The following SIN3A variants were observed in gnomAD, a reference collection of about 807,000 sequenced individuals.
SIN3A encodes SIN3 transcription regulator family member A, also known as paired amphipathic helix protein Sin3a.
A neutral mutation model predicts 146.1 loss-of-function variants in SIN3A; 14 were observed. The observed-to-expected ratio is 0.10, with a 90% CI of 0.06 to 0.15. The LOEUF is 0.15. Among genes scored for constraint, SIN3A ranks in the 10% least tolerant of loss-of-function variants. SIN3A has a pLI of 1.00. For synonymous variants in SIN3A, 572 were observed against 572.0 expected (o/e 1.00, Z 0.00); for missense variants, 1,028 against 1,576.0 (o/e 0.65, Z 5.89).
At chr15:75,394,037 A>AC (rs1423709054) in intron 14 of SIN3A, among the ~76,000 whole-genome samples, 4 of 148,420 alleles carry the variant, frequency 2.7e-5, no homozygotes, top group African/African-American at 9.9e-5. Context: ...CTAACTCCTG[A>AC]CCTCAGGTGA....
At position 75,392,231 on chromosome 15, in the gene SIN3A, T is replaced by A. The variant is rs553982063; in HGVS notation, c.2851+11A>T. Reference sequence around the variant, plus strand: ...ACACATCCTCTGTAAATCAGAGGTCTCGGCACTCACTAGGTTCTTTGAGAC... The same window carrying A: ...ACACATCCTCTGTAAATCAGAGGTCACGGCACTCACTAGGTTCTTTGAGAC... On this transcript the variant is annotated intron_variant, in intron 15 of 20. Transcript: ENST00000394947. 1.1e-5 allele frequency: 18 copies of A among 1,608,564 alleles called. No individual in the cohort carries two copies. The East Asian group carries it at 3.3e-4, about 30-fold the overall frequency.
At chr15:75,376,251 G>T in intron 19 of SIN3A, 1 of 214,018 alleles carries the variant, frequency 4.7e-6, no homozygotes, top group East Asian at 1.2e-4. Flanking sequence ...TTACTGTCAT[G>T]AATATTTTTT....
intron 1 of SIN3A, among the ~76,000 whole-genome samples, chr15:75,449,099 C>T (rs2074357035): frequency 6.6e-6 from 1 of 152,210 alleles, no homozygotes; most frequent in Non-Finnish European, 1.5e-5. Flanking sequence ...CACTGCAAAT[C>T]ATGGGAACTA....
At chr15:75,440,708 C>G (rs193183981) in intron 1 of SIN3A, among the ~76,000 whole-genome samples, 1 of 151,954 alleles carries the variant, frequency 6.6e-6, no homozygotes, top group East Asian at 1.9e-4. Context: ...AGGGGTCGGG[C>G]GCGGTGGCTC....
At chr15:75,402,520 A>G (rs925381395) in intron 9 of SIN3A, among the ~76,000 whole-genome samples, 22 of 152,236 alleles carry the variant, frequency 1.4e-4, no homozygotes, top group Non-Finnish European at 1.5e-4. Flanking sequence ...TCTGTCTCAT[A>G]AGTAAAAAAA....
upstream of SIN3A, among the ~76,000 whole-genome samples, chr15:75,454,200 T>A (rs1426698070): frequency 1.3e-5 from 2 of 151,488 alleles, no homozygotes; most frequent in Non-Finnish European, 2.9e-5. Context: ...CAGCCCGGCC[T>A]CCCGATAGGC....
At chr15:75,405,509 T>C (rs2073495090) in intron 9 of SIN3A, among the ~76,000 whole-genome samples, 1 of 151,310 alleles carries the variant, frequency 6.6e-6, no homozygotes, top group Admixed American at 6.6e-5. Context: ...AATCCCAGCA[T>C]TTTGGGAGGC....
intron 1 of SIN3A, among the ~76,000 whole-genome samples, chr15:75,440,789 T>C (rs1054471263): frequency 2.0e-5 from 3 of 151,974 alleles, no homozygotes; most frequent in African/African-American, 4.8e-5. Context: ...GAGACCATCC[T>C]GGCTAACAAG....
At chr15:75,431,987 T>C (rs141414366) in intron 1 of SIN3A, among the ~76,000 whole-genome samples, 25 of 152,364 alleles carry the variant, frequency 1.6e-4, no homozygotes, top group African/African-American at 5.3e-4. Context: ...AGACTAAGTC[T>C]CTCAGCTTTG....
Position 75,370,981 on chromosome 15 carries a change from A to C in SIN3A, c.*998T>G, listed in dbSNP as rs912894077. The C allele has an allele frequency of 7.1e-6, 1 of 141,058 alleles. No individual in the cohort carries two copies. The allele number at this position is 141,058 out of a possible 1,614,324, so 8.7% of individuals were successfully genotyped here. On this transcript the variant is annotated 3_prime_UTR_variant, in exon 21 of 21. Transcript: ENST00000394947. Reference sequence around the variant, plus strand: ...TTATTTACAAAAAAAAAAAAAAAAAAGTTGGGGGCAAAGGGGAAGACAAGT... The same window carrying C: ...TTATTTACAAAAAAAAAAAAAAAAACGTTGGGGGCAAAGGGGAAGACAAGT...
intron 6 of SIN3A, 56 bp downstream of exon 6, chr15:75,411,432 TTGGA>T: frequency 6.6e-7 from 1 of 1,505,698 alleles, no homozygotes; most frequent in Non-Finnish European, 9.0e-7. Context: ...TTACTTGTTA[TTGGA>T]CTAGATGCCC....
intron 2 of SIN3A, among the ~76,000 whole-genome samples, chr15:75,423,062 C>T (rs748338548): frequency 7.9e-5 from 12 of 151,750 alleles, no homozygotes; most frequent in Non-Finnish European, 1.2e-4. Flanking sequence ...AGTGAGACCA[C>T]GTCTCTAAAA....
At position 75,434,335 on chromosome 15, in the gene SIN3A, T is replaced by C. The variant is rs1427422866; in HGVS notation, c.-33-3927A>G. Among the ~76,000 whole-genome samples the C allele has an allele frequency of 2.0e-5, 3 of 152,138 alleles. 1 individual carries two copies. Among genetic ancestry groups the C allele is most frequent in the Non-Finnish European group, 2.9e-5 (2 of 68,022 alleles). Reference sequence around the variant, plus strand: ...AGCCCTTGCCCTCTAAAACCATATATAGCCTCACTAGTAATAAAAAACGTG... The same window carrying C: ...AGCCCTTGCCCTCTAAAACCATATACAGCCTCACTAGTAATAAAAAACGTG... On this transcript the variant is annotated intron_variant, in intron 1 of 20. Coordinates refer to ENST00000394947, the MANE Select transcript of SIN3A (RefSeq NM_001145358.2).
At position 75,400,286 on chromosome 15, in the gene SIN3A, T is replaced by A. The variant is rs58761842; in HGVS notation, c.1738-130A>T. ...AATATTACTTCACAAATTTCACCTT[T>A]AGCAAGTTTACAAAAAGCTATTAGT... On this transcript the variant is annotated intron_variant, in intron 11 of 20. Transcript: ENST00000394947. The A allele has an allele frequency of 7.2e-5, 43 of 597,222 alleles. No individual in the cohort carries two copies. In the East Asian group the frequency reaches 9.8e-4, roughly 14 times the overall value. 37.0% of individuals were successfully genotyped at this position (597,222 alleles called of 1,614,324 possible).
chr15:75,420,263 T>C (rs747264067), intron 3 of SIN3A: 6 of 152,012 alleles, frequency 3.9e-5, no homozygotes, highest in Non-Finnish European at 5.9e-5. Context: ...ACACCAAACA[T>C]GCCTCAAATC....
chr15:75,400,130 G>A lies in SIN3A; in HGVS notation c.1764C>T (p.Phe588=). Residue 588 remains phenylalanine, a synonymous_variant, in exon 12 of 21, where the codon TTC becomes TTT. Transcript: ENST00000394947. Reference sequence around the variant, plus strand: ...AGGTAGAGTCCTCAGACCACGAAGGGAAGGAAACCCAGGTATCATTTAAAA... The same window carrying A: ...AGGTAGAGTCCTCAGACCACGAAGGAAAGGAAACCCAGGTATCATTTAAAA... The part of the protein sequence containing the change: ...KEVLNDTWVS[F]PSWSEDSTFV... The A allele has an allele frequency of 3.1e-6, 5 of 1,607,308 alleles. No homozygotes were observed. Among genetic ancestry groups the A allele is most frequent in the Middle Eastern group, 1.7e-4 (1 of 6,040 alleles).
chr15:75,421,644 C>G (rs1386532000), intron 3 of SIN3A: 1 of 152,206 alleles, frequency 6.6e-6, no homozygotes, highest in Non-Finnish European at 1.5e-5. Context: ...GGGTTTATTT[C>G]TCATTCGTGC....
intron 13 of SIN3A, among the ~76,000 whole-genome samples, chr15:75,395,345 A>C (rs1272164951): frequency 6.6e-6 from 1 of 152,144 alleles, no homozygotes; most frequent in Non-Finnish European, 1.5e-5. Flanking sequence ...AAGCACTAAA[A>C]CTGAAGAATA....
chr15:75,433,100 C>T (rs962677957), intron 1 of SIN3A, among the ~76,000 whole-genome samples: 4 of 151,982 alleles, frequency 2.6e-5, no homozygotes, highest in Non-Finnish European at 5.9e-5. Context: ...GTGAAGAGCA[C>T]GGCACGACTA....
Sources: allele counts gnomAD v4.1 joint callset (sites outside exome capture counted in the v4.1 genomes callset), GRCh38; gene constraint gnomAD v4.1.1; transcripts MANE v1.5; gene names NCBI Gene and HGNC (gene_info 2026-07-23, HGNC 2026-07-21).